Variants in SLC25A6 observed in about 807,000 individuals in gnomAD.
SLC25A6 encodes solute carrier family 25 member 6, also known as ADP/ATP translocase 3.
A neutral mutation model predicts 25.7 loss-of-function variants in SLC25A6; 9 were observed. The observed-to-expected ratio is 0.35, with a 90% CI of 0.21 to 0.61. The LOEUF is 0.61. Among genes scored for constraint, SLC25A6 ranks in the 20% least tolerant of loss-of-function variants. The pLI is 0.76. For synonymous variants in SLC25A6, 223 were observed against 197.0 expected (o/e 1.13, Z -1.11); for missense variants, 404 against 440.5 (o/e 0.92, Z 0.74).
chrX:1,391,875 G>A, intron 1 of SLC25A6, 24 bp downstream of exon 1: 1 of 1,559,224 alleles, frequency 6.4e-7, no homozygotes. Flanking sequence ...CTAGTCCCCG[G>A]AGCGGCCGCG....
intron 2 of SLC25A6, 64 bp from the exon 3 acceptor site, chrX:1,387,483 C>A: frequency 6.3e-7 from 1 of 1,593,804 alleles, no homozygotes; most frequent in African/African-American, 1.3e-5. Context: ...CAGGGTCGGC[C>A]CCCAGGGTGT....
Position 1,389,310 on chromosome X carries a change from A to C in SLC25A6, c.529T>G (p.Phe177Val). Residue 177 changes from phenylalanine to valine, a missense_variant, in exon 2 of 4, where the codon TTC becomes GTC. Transcript: ENST00000381401. ...ATGATGCCCTGCACGGAGACACTGA[A>C]GCCCTGGTACAGGCCCCGGATGCCG... The part of the protein sequence containing the change: ...SDGIRGLYQG[F>V]SVSVQGIIIY... 6.2e-7 allele frequency: 1 copy of C among 1,613,926 alleles called. No individual in the cohort carries two copies. Among genetic ancestry groups the C allele is most frequent in the Non-Finnish European group, 8.5e-7 (1 of 1,179,866 alleles).
intron 2 of SLC25A6, 129 bp from the exon 3 acceptor site, chrX:1,387,548 C>G: frequency 7.5e-7 from 1 of 1,340,578 alleles, no homozygotes; most frequent in Non-Finnish European, 1.0e-6. Context: ...AGTGCCCCCT[C>G]CACGTGGCTG....
At chrX:1,387,076 G>A (rs770233781) in intron 3 of SLC25A6, among the ~76,000 whole-genome samples, 65 of 152,204 alleles carry the variant, frequency 4.3e-4, no homozygotes, top group South Asian at 1.0e-3. Flanking sequence ...AGAAACTGCC[G>A]CCCGGACCAT....
chrX:1,386,648 C>T lies in SLC25A6; in HGVS notation c.851G>A (p.Gly284Asp). 6.3e-7 allele frequency: 1 copy of T among 1,597,410 alleles called. No homozygotes were observed. The highest frequency in any genetic ancestry group is 2.3e-5 in the East Asian group (1 of 43,380). ...AWSNVLRGMG[G>D]AFVLVLYDEL... ...GTCGTACAGGACCAGCACGAAGGCG[C>T]CCCCCATGCCCCGCAGGACGTTGGA... Residue 284 changes from glycine to aspartate, a missense_variant, in exon 4 of 4, where the codon GGC becomes GAC. Coordinates refer to ENST00000381401, the MANE Select transcript of SLC25A6 (RefSeq NM_001636.4).
chrX:1,387,509 AG>A, intron 2 of SLC25A6, 90 bp from the exon 3 acceptor site: 1 of 1,553,214 alleles, frequency 6.4e-7, no homozygotes, highest in Admixed American at 1.8e-5. Context: ...CGGCCCCCTG[AG>A]GTGGTGCCGA....
At chrX:1,390,596 T>A (rs1225258595) in intron 1 of SLC25A6, among the ~76,000 whole-genome samples, 12 of 150,802 alleles carry the variant, frequency 8.0e-5, no homozygotes, top group African/African-American at 2.2e-4. Flanking sequence ...AAAAAAAGGT[T>A]TTTTTAAGAT....
chrX:1,386,584 T>C lies in SLC25A6; in HGVS notation c.*18A>G. On this transcript the variant is annotated 3_prime_UTR_variant, in exon 4 of 4. Transcript: ENST00000381401. ...GGTTCCCCTGGTGTGTGTGTGTGTGTGGAGGAGGCCGCGGCCCTTAGATCA... is the reference window on the plus strand; with the variant it reads ...GGTTCCCCTGGTGTGTGTGTGTGTGCGGAGGAGGCCGCGGCCCTTAGATCA... The C allele has an allele frequency of 6.5e-7, 1 of 1,535,918 alleles. No individual in the cohort carries two copies. Among genetic ancestry groups the C allele is most frequent in the South Asian group, 1.3e-5 (1 of 77,694 alleles).
chrX:1,388,780 T>C (rs2089361306), intron 2 of SLC25A6, among the ~76,000 whole-genome samples: 1 of 149,860 alleles, frequency 6.7e-6, no homozygotes, highest in East Asian at 2.0e-4. Context: ...CAGCCTGAAA[T>C]GGATTAAGAC....
At position 1,387,319 on chromosome X, in the gene SLC25A6, C is replaced by G; in HGVS notation, c.699G>C (p.Thr233=). 1.2e-6 allele frequency: 2 copies of G among 1,613,310 alleles called. No individual in the cohort carries two copies. Among genetic ancestry groups the G allele is most frequent in the East Asian group, 2.2e-5 (1 of 44,862 alleles). ...VAGVVSYPFD[T]VRRRMMMQSG... ...ACTGCATCATCATGCGCCGCCGCACCGTGTCGAAGGGGTAGGACACCACGC... is the reference window on the plus strand; with the variant it reads ...ACTGCATCATCATGCGCCGCCGCACGGTGTCGAAGGGGTAGGACACCACGC... Residue 233 remains threonine (T), a synonymous_variant, in exon 3 of 4, where the codon ACG becomes ACC. Coordinates refer to ENST00000381401, the MANE Select transcript of SLC25A6 (RefSeq NM_001636.4).
Position 1,387,304 on chromosome X carries a change from C to A in SLC25A6, c.714G>T (p.Met238Ile). 1 of 1,612,996 alleles carries A rather than the reference C, an allele frequency of 6.2e-7. No individual in the cohort carries two copies. The change falls in exon 3 of 4, where the codon ATG (methionine) becomes ATT (isoleucine). Residue 238 changes from methionine (M) to isoleucine (I), a missense_variant. Met to Ile is a conservative substitution (Grantham distance 10, BLOSUM62 1). Transcript: ENST00000381401. ...CTCCTTTGCGCCCGGACTGCATCAT[C>A]ATGCGCCGCCGCACCGTGTCGAAGG... ...SYPFDTVRRR[M>I]MMQSGRKGAD...
intron 1 of SLC25A6, among the ~76,000 whole-genome samples, chrX:1,391,474 G>C (rs1247740794): frequency 1.3e-5 from 2 of 152,236 alleles, no homozygotes; most frequent in African/African-American, 4.8e-5. Flanking sequence ...GACACCTGCG[G>C]GCAGGCTCGT....
Position 1,386,766 on chromosome X carries a change from C to T in SLC25A6, c.740-7G>A, listed in dbSNP as rs779384513. The T allele has an allele frequency of 1.9e-4, 303 of 1,600,916 alleles. No homozygotes were observed. Among genetic ancestry groups the T allele is most frequent in the Non-Finnish European group, 2.3e-4 (265 of 1,174,594 alleles). On this transcript the variant is annotated splice_polypyrimidine_tract_variant and splice_region_variant and intron_variant, in intron 3 of 3. Coordinates refer to ENST00000381401, the MANE Select transcript of SLC25A6 (RefSeq NM_001636.4). ...CCCGTGTACATGATGTCAGCTGCAA[C>T]GACAGGGAGACAGTGAGGGCCTCGC...
rs200925201 is a variant in SLC25A6 at position 1,387,265 on chromosome X, GC to G, written c.739+13del. The G allele has an allele frequency of 5.0e-6, 8 of 1,609,078 alleles. No individual in the cohort carries two copies. The highest frequency in any genetic ancestry group is 4.5e-5 in the East Asian group (2 of 44,798). ...CCCTTCCCGGCAGCAAGGGTCCCCCGCCCCCCCGAGTACCTCCTTTGCGCCC... is the reference window on the plus strand; with the variant it reads ...CCCTTCCCGGCAGCAAGGGTCCCCCGCCCCCCGAGTACCTCCTTTGCGCCC... On this transcript the variant is annotated intron_variant, in intron 3 of 3. Transcript: ENST00000381401.
intron 2 of SLC25A6, 74 bp downstream of exon 2, chrX:1,389,167 A>T: frequency 1.3e-6 from 2 of 1,516,170 alleles, no homozygotes; most frequent in Non-Finnish European, 1.8e-6. Flanking sequence ...TCAGACCTTC[A>T]GCCCACAGGA....
rs1603449623 is a variant in SLC25A6 at position 1,386,391 on chromosome X, A to G, written c.*211T>C. The G allele has an allele frequency of 3.5e-6, 2 of 574,832 alleles. No individual in the cohort carries two copies. Among genetic ancestry groups the G allele is most frequent in the South Asian group, 7.4e-5 (2 of 26,964 alleles). 35.6% of individuals were successfully genotyped at this position (574,832 alleles called of 1,614,324 possible). On this transcript the variant is annotated 3_prime_UTR_variant, in exon 4 of 4. Coordinates refer to ENST00000381401, the MANE Select transcript of SLC25A6 (RefSeq NM_001636.4). ...CGCAGGGACGCCACGGTTCCCTCCC[A>G]CCCCGTGATCAAGACACGGAATCGG...
intron 1 of SLC25A6, among the ~76,000 whole-genome samples, chrX:1,390,590 A>G (rs2149240825): frequency 6.6e-6 from 1 of 151,206 alleles, no homozygotes; most frequent in South Asian, 2.1e-4. Flanking sequence ...AAAAAAAAAA[A>G]AAGGTTTTTT....
At chrX:1,389,919 G>A (rs1444139641) in intron 1 of SLC25A6, among the ~76,000 whole-genome samples, 192 bp from the exon 2 acceptor site, 6 of 152,088 alleles carry the variant, frequency 3.9e-5, no homozygotes, top group Non-Finnish European at 7.4e-5. Context: ...CACCACGCCC[G>A]GCTAATTTTT....
chrX:1,389,897 A>G (rs1203640851), intron 1 of SLC25A6, among the ~76,000 whole-genome samples, 170 bp from the exon 2 acceptor site: 12 of 151,944 alleles, frequency 7.9e-5, no homozygotes, highest in Non-Finnish European at 1.5e-4. Context: ...AGCTGGGACT[A>G]TAGGCGCCCA....
Sources: gnomAD v4.1 joint callset for allele counts (sites outside exome capture counted in the v4.1 genomes callset) on GRCh38, gnomAD v4.1.1 for gene constraint, MANE v1.5 for transcripts, NCBI Gene and HGNC (gene_info 2026-07-23, HGNC 2026-07-21) for gene names.